DOCK3: variants seen among roughly 807,000 people sequenced by gnomAD.
DOCK3 encodes the protein dedicator of cytokinesis protein 3.
A neutral mutation model predicts 265.6 loss-of-function variants in DOCK3; 60 were observed. The observed-to-expected ratio is 0.23, with a 90% CI of 0.18 to 0.28. DOCK3 has a LOEUF of 0.28. Among genes scored for constraint, DOCK3 ranks in the 10% least tolerant of loss-of-function variants. The pLI is 1.00. For synonymous variants in DOCK3, 881 were observed against 938.0 expected (o/e 0.94, Z 1.11); for missense variants, 1,981 against 2,594.3 (o/e 0.76, Z 5.14).
At chr3:51,275,709 G>A (rs2080781905) in intron 25 of DOCK3, among the ~76,000 whole-genome samples, 1 of 152,096 alleles carries the variant, frequency 6.6e-6, no homozygotes, top group African/African-American at 2.4e-5. Context: ...AGCCTCAGAG[G>A]ATGGTAGAAT....
At chr3:51,150,408 A>G in intron 10 of DOCK3, among the ~76,000 whole-genome samples, 1 of 151,948 alleles carries the variant, frequency 6.6e-6, no homozygotes, top group Non-Finnish European at 1.5e-5. Flanking sequence ...TTGCTTCTCT[A>G]GTTCTTTTAA....
At chr3:50,981,375 G>C (rs2077683231) in intron 5 of DOCK3, among the ~76,000 whole-genome samples, 3 of 152,166 alleles carry the variant, frequency 2.0e-5, no homozygotes, top group Non-Finnish European at 4.4e-5. Flanking sequence ...TGACTTACCA[G>C]ATGGCCTAGC....
chr3:51,073,257 G>A (rs1358894766), intron 6 of DOCK3, among the ~76,000 whole-genome samples: 1 of 152,002 alleles, frequency 6.6e-6, no homozygotes, highest in Admixed American at 6.5e-5. Flanking sequence ...TCTTTCCATT[G>A]TTTTTCCATA....
chr3:51,200,681 A>G (rs1190056047), intron 12 of DOCK3, among the ~76,000 whole-genome samples: 4 of 151,868 alleles, frequency 2.6e-5, no homozygotes, highest in Non-Finnish European at 4.4e-5. Flanking sequence ...GAACGCCACA[A>G]AGATTCTCCT....
intron 21 of DOCK3, among the ~76,000 whole-genome samples, chr3:51,246,111 C>T (rs2078825203): frequency 6.6e-6 from 1 of 152,152 alleles, no homozygotes; most frequent in Non-Finnish European, 1.5e-5. Context: ...TGAACAGGGA[C>T]TCCTGGGACT....
intron 9 of DOCK3, among the ~76,000 whole-genome samples, chr3:51,101,933 A>G: frequency 6.6e-6 from 1 of 152,228 alleles, no homozygotes; most frequent in East Asian, 1.9e-4. Flanking sequence ...AAGCTTTTCC[A>G]GAGTTGGGGA....
intron 10 of DOCK3, among the ~76,000 whole-genome samples, chr3:51,154,417 T>G (rs187423262): frequency 2.6e-5 from 4 of 152,272 alleles, no homozygotes; most frequent in Non-Finnish European, 5.9e-5. Context: ...TGTCTTCAAT[T>G]GGAAAAGAAT....
At chr3:51,345,190 G>T (rs1482398046) in intron 38 of DOCK3, among the ~76,000 whole-genome samples, 1 of 152,144 alleles carries the variant, frequency 6.6e-6, no homozygotes, top group Admixed American at 6.5e-5. Context: ...GCTGAAACCT[G>T]CCCAAGCGGC....
chr3:51,135,499 TC>T (rs2084752226), intron 9 of DOCK3, among the ~76,000 whole-genome samples: 1 of 152,216 alleles, frequency 6.6e-6, no homozygotes, highest in South Asian at 2.1e-4. Flanking sequence ...CCAGTTGAAG[TC>T]CTTAAAATTA....
intron 5 of DOCK3, among the ~76,000 whole-genome samples, chr3:51,016,651 G>A (rs1317168374): frequency 3.4e-5 from 2 of 58,664 alleles, no homozygotes; most frequent in African/African-American, 1.7e-4. Flanking sequence ...ATATTTATAT[G>A]TTTATATATA....
intron 3 of DOCK3, among the ~76,000 whole-genome samples, chr3:50,875,970 C>G (rs2047684402): frequency 6.6e-6 from 1 of 151,858 alleles, no homozygotes. Context: ...TAATCCAGCT[C>G]TACTGGAGCA....
intron 5 of DOCK3, among the ~76,000 whole-genome samples, chr3:50,992,309 T>G (rs559768666): frequency 6.6e-6 from 1 of 152,304 alleles, no homozygotes; most frequent in East Asian, 1.9e-4. Context: ...GAGTTTTGTT[T>G]TGTTTTGAGA....
At chr3:51,103,995 T>C (rs2083181534) in intron 9 of DOCK3, among the ~76,000 whole-genome samples, 3 of 152,160 alleles carry the variant, frequency 2.0e-5, no homozygotes, top group Admixed American at 2.0e-4. Context: ...ATACAGATAT[T>C]ATATGTATTA....
intron 12 of DOCK3, among the ~76,000 whole-genome samples, chr3:51,163,939 C>T (rs1455369454): frequency 2.6e-5 from 4 of 152,136 alleles, no homozygotes; most frequent in South Asian, 2.1e-4. Flanking sequence ...GCCATGTCAT[C>T]GGGTCTTTGT....
At chr3:50,760,972 G>A (rs1030290891) in intron 1 of DOCK3, among the ~76,000 whole-genome samples, 5 of 151,672 alleles carry the variant, frequency 3.3e-5, no homozygotes, top group African/African-American at 9.7e-5. Flanking sequence ...TAGTAGAAAC[G>A]GGGTTTTACC....
chr3:50,798,634 A>C (rs2042915916), intron 2 of DOCK3, among the ~76,000 whole-genome samples: 1 of 152,048 alleles, frequency 6.6e-6, no homozygotes, highest in Non-Finnish European at 1.5e-5. Context: ...TTGGTTATTA[A>C]GTCTCCTGTC....
Position 50,988,470 on chromosome 3 carries a change from T to C in DOCK3, c.315+54393T>C, listed in dbSNP as rs890753113. Among the ~76,000 whole-genome samples, 8 of 152,206 alleles carry C rather than the reference T, an allele frequency of 5.3e-5. No homozygotes were observed. The East Asian group carries it at 5.8e-4, about 11-fold the overall frequency. ...TACTTAGCTGTTCCTACCTTTGGGC[T>C]TCAGAGTGTCCGAAGCGACGGGGCC... On this transcript the variant is annotated intron_variant, in intron 5 of 52. Coordinates refer to ENST00000266037, the MANE Select transcript of DOCK3 (RefSeq NM_004947.5).
chr3:51,357,034 A>T lies in DOCK3; in HGVS notation c.4576A>T (p.Ser1526Cys). 1 of 1,613,450 alleles carries T rather than the reference A, an allele frequency of 6.2e-7. No individual in the cohort carries two copies. Among genetic ancestry groups the T allele is most frequent in the Non-Finnish European group, 8.5e-7 (1 of 1,179,888 alleles). The stretch of plus-strand genomic sequence containing the variant: ...GAACCAGGAGCTACGCTCCCTGATC[A>T]GCCAGTATCAACACAAGCAGGTGCA... ...NKNQELRSLI[S>C]QYQHKQVHGN... Residue 1526 changes from serine (S) to cysteine (C), a missense_variant, in exon 44 of 53, where the codon AGC becomes TGC. Ser to Cys is a moderately radical substitution (Grantham distance 112). Around this residue, in one of 4 missense-constraint regions of DOCK3, gnomAD observed 1,357 missense variants for 1,866.8 expected, o/e 0.73. Transcript: ENST00000266037.
intron 5 of DOCK3, among the ~76,000 whole-genome samples, chr3:50,998,319 T>C (rs1311371626): frequency 6.6e-6 from 1 of 152,194 alleles, no homozygotes; most frequent in Non-Finnish European, 1.5e-5. Context: ...AAAATACTGA[T>C]GCCCAGGCTG....
Sources: gnomAD v4.1 joint callset for allele counts (sites outside exome capture counted in the v4.1 genomes callset) on GRCh38, gnomAD v4.1.1 for gene constraint, gnomAD v4.1.1 regional missense constraint, MANE v1.5 for transcripts, NCBI Gene and HGNC (gene_info 2026-07-23, HGNC 2026-07-21) for gene names.